KIAA1217: variants seen among roughly 807,000 people sequenced by gnomAD.
KIAA1217 encodes sickle tail protein homolog.
A neutral mutation model predicts 163.9 loss-of-function variants in KIAA1217; 88 were observed. The ratio of observed to expected loss-of-function variants is 0.54; its 90% CI spans 0.45 to 0.64. The LOEUF is 0.64. Among genes scored for constraint, KIAA1217 ranks in the 30% least tolerant of loss-of-function variants. KIAA1217 has a pLI of 0.00. For synonymous variants in KIAA1217, 903 were observed against 923.1 expected, an observed-to-expected ratio of 0.98 and a Z score of 0.39; for missense variants, 2,372 against 2,475.0, an observed-to-expected ratio of 0.96 and a Z score of 0.88.
At chr10:24,410,063 C>A (rs1390895157) in intron 3 of KIAA1217, among the ~76,000 whole-genome samples, 1 of 131,580 alleles carries the variant, frequency 7.6e-6, no homozygotes, top group Non-Finnish European at 1.5e-5. Flanking sequence ...GTGGTGTGAT[C>A]TTGACTCACT....
intron 2 of KIAA1217, among the ~76,000 whole-genome samples, chr10:24,198,642 A>G (rs1213734467): frequency 1.3e-5 from 2 of 151,784 alleles, no homozygotes; most frequent in African/African-American, 4.8e-5. Context: ...CTGTGGTAGG[A>G]AATGGGGATT....
chr10:24,501,470 C>A lies in KIAA1217; in HGVS notation c.1926C>A (p.Ile642=). Residue 642 remains isoleucine, a synonymous_variant, in exon 9 of 21, where the codon ATC becomes ATA. Transcript: ENST00000376454. The part of the protein sequence containing the change: ...SQPPPVGTSA[I]HMSLLEMRRS... The stretch of plus-strand genomic sequence containing the variant: ...CTCCACCTGTGGGCACCTCAGCCAT[C>A]CACATGAGCCTGCTTGAGATGAGGC... The A allele has an allele frequency of 6.2e-7, 1 of 1,614,052 alleles. No homozygotes were observed. Among genetic ancestry groups the A allele is most frequent in the Non-Finnish European group, 8.5e-7 (1 of 1,179,978 alleles).
At chr10:24,063,640 T>C (rs181232150) in intron 2 of KIAA1217, among the ~76,000 whole-genome samples, 3,833 of 152,292 alleles carry the variant, frequency 0.025, 67 homozygotes, top group Non-Finnish European at 0.036. Flanking sequence ...TTTGGTTCCA[T>C]ATGAACTTTA....
intron 1 of KIAA1217, among the ~76,000 whole-genome samples, chr10:23,892,143 G>A (rs1343644922): frequency 1.3e-5 from 2 of 151,902 alleles, no homozygotes; most frequent in South Asian, 4.1e-4. Flanking sequence ...CTTATTGAAT[G>A]TTTGGAAAGT....
At chr10:24,488,671 T>C (rs1207233696) in intron 6 of KIAA1217, among the ~76,000 whole-genome samples, 1 of 152,216 alleles carries the variant, frequency 6.6e-6, no homozygotes, top group Non-Finnish European at 1.5e-5. Context: ...TACCACAAAT[T>C]CAGACAATTT....
At chr10:23,750,906 T>C (rs1839698163) in intron 1 of KIAA1217, among the ~76,000 whole-genome samples, 1 of 152,082 alleles carries the variant, frequency 6.6e-6, no homozygotes, top group South Asian at 2.1e-4. Flanking sequence ...TTGAATTTTC[T>C]ACTCATGATG....
At chr10:24,400,164 C>T (rs1025278105) in intron 3 of KIAA1217, among the ~76,000 whole-genome samples, 2 of 152,146 alleles carry the variant, frequency 1.3e-5, no homozygotes, top group Non-Finnish European at 2.9e-5. Context: ...TTGCCTCTGA[C>T]CTGAGAATTG....
chr10:23,705,723 T>C (rs1836839081), intron 1 of KIAA1217, among the ~76,000 whole-genome samples: 1 of 152,192 alleles, frequency 6.6e-6, no homozygotes, highest in South Asian at 2.1e-4. Flanking sequence ...GCTATCTCAG[T>C]ACTTGAGTTT....
chr10:24,297,382 C>T (rs2040753266), intron 2 of KIAA1217, among the ~76,000 whole-genome samples: 1 of 152,184 alleles, frequency 6.6e-6, no homozygotes, highest in Admixed American at 6.5e-5. Flanking sequence ...CCACACACAT[C>T]CAGCACATGC....
chr10:23,868,742 C>G (rs186075804), intron 1 of KIAA1217, among the ~76,000 whole-genome samples: 1 of 152,120 alleles, frequency 6.6e-6, no homozygotes. Flanking sequence ...GGCTCTCAGG[C>G]CTGCTGCGTT....
intron 3 of KIAA1217, among the ~76,000 whole-genome samples, chr10:24,397,108 CTTTT>C (rs34660362): frequency 1.7e-5 from 2 of 114,726 alleles, no homozygotes; most frequent in Admixed American, 9.5e-5. Context: ...GTAAGAAACT[CTTTT>C]TTTTTTTTTT....
intron 1 of KIAA1217, among the ~76,000 whole-genome samples, chr10:23,984,874 C>T (rs774113909): frequency 1.3e-5 from 2 of 151,746 alleles, no homozygotes; most frequent in Non-Finnish European, 2.9e-5. Flanking sequence ...CACATCTATA[C>T]CTATATAACA....
chr10:23,727,541 C>T (rs1838234902), intron 1 of KIAA1217, among the ~76,000 whole-genome samples: 1 of 152,006 alleles, frequency 6.6e-6, no homozygotes, highest in African/African-American at 2.4e-5. Context: ...GTCTGGGCGA[C>T]AGAATGAGAC....
chr10:24,496,850 G>GATTTCCTCA (rs1486002514), intron 8 of KIAA1217, among the ~76,000 whole-genome samples: 1 of 152,238 alleles, frequency 6.6e-6, no homozygotes, highest in Non-Finnish European at 1.5e-5. Context: ...TGTGGGGAAA[G>GATTTCCTCA]GAGCCAGTGT....
intron 5 of KIAA1217, among the ~76,000 whole-genome samples, chr10:24,446,320 C>T (rs1159569554): frequency 1.3e-5 from 2 of 151,760 alleles, no homozygotes; most frequent in African/African-American, 4.8e-5. Flanking sequence ...TTTCATTATA[C>T]ATCTCTTTCA....
At chr10:23,879,070 G>A (rs1457256958) in intron 1 of KIAA1217, among the ~76,000 whole-genome samples, 1 of 151,918 alleles carries the variant, frequency 6.6e-6, no homozygotes, top group Non-Finnish European at 1.5e-5. Context: ...GTCTGGGCAA[G>A]ATCTGTGGTG....
At chr10:24,260,028 T>C (rs1208226892) in intron 2 of KIAA1217, among the ~76,000 whole-genome samples, 1 of 152,202 alleles carries the variant, frequency 6.6e-6, no homozygotes. Flanking sequence ...ATCTGTCTCT[T>C]GTAGGAAATG....
intron 2 of KIAA1217, among the ~76,000 whole-genome samples, chr10:24,358,571 G>A (rs1455508757): frequency 6.6e-6 from 1 of 152,060 alleles, no homozygotes; most frequent in African/African-American, 2.4e-5. Context: ...TAAATCTATT[G>A]CATCATTTTA....
At chr10:24,087,291 T>A (rs2061731402) in intron 2 of KIAA1217, among the ~76,000 whole-genome samples, 1 of 152,238 alleles carries the variant, frequency 6.6e-6, no homozygotes, top group Non-Finnish European at 1.5e-5. Flanking sequence ...GAATGGTCTG[T>A]TTTTAATATA....
Sources: allele counts gnomAD v4.1 joint callset (sites outside exome capture counted in the v4.1 genomes callset), GRCh38; gene constraint gnomAD v4.1.1; transcripts MANE v1.5; gene names NCBI Gene and HGNC (gene_info 2026-07-23, HGNC 2026-07-21).